TBC1D5: variants seen among roughly 807,000 people sequenced by gnomAD.
The protein encoded by TBC1D5 is TBC1 domain family member 5, also known as TBC1 domain family, member 5.
Under a neutral mutation model 100.3 loss-of-function variants are expected in TBC1D5, and 75 were observed. That is an observed-to-expected ratio of 0.75 (90% CI 0.62 to 0.91). The LOEUF (loss-of-function observed/expected upper bound fraction) is 0.91, where lower values mean the gene tolerates loss of function less well. Among genes scored for constraint, TBC1D5 ranks in the 40% least tolerant of loss-of-function variants. TBC1D5 has a pLI of 0.00. For missense variants in TBC1D5, 910 were observed against 942.4 expected, an observed-to-expected ratio of 0.97 and a Z score of 0.45; for synonymous variants, 323 against 325.6, an observed-to-expected ratio of 0.99 and a Z score of 0.09.
intron 2 of TBC1D5, among the ~76,000 whole-genome samples, chr3:17,509,644 C>A (rs2095880031): frequency 6.6e-6 from 1 of 152,004 alleles, no homozygotes; most frequent in South Asian, 2.1e-4. Context: ...GATATCTAAA[C>A]ATGCTTTAAG....
intron 1 of TBC1D5, among the ~76,000 whole-genome samples, chr3:17,710,897 C>G (rs537420044): frequency 3.3e-5 from 5 of 152,166 alleles, no homozygotes; most frequent in African/African-American, 9.6e-5. Flanking sequence ...GGAGTTTCAC[C>G]ATGTTGAGTT....
chr3:17,538,308 A>T (rs1212251952), intron 2 of TBC1D5, among the ~76,000 whole-genome samples: 1 of 152,180 alleles, frequency 6.6e-6, no homozygotes, highest in Non-Finnish European at 1.5e-5. Context: ...CTTCTCAGGA[A>T]GATCTCAAAC....
At chr3:17,262,569 C>T (rs900847900) in intron 15 of TBC1D5, among the ~76,000 whole-genome samples, 5 of 150,480 alleles carry the variant, frequency 3.3e-5, no homozygotes, top group African/African-American at 1.2e-4. Flanking sequence ...GCAAGCTCCA[C>T]CTCCCAGGTT....
At chr3:17,702,848 T>C (rs553438053) in intron 1 of TBC1D5, among the ~76,000 whole-genome samples, 1 of 152,078 alleles carries the variant, frequency 6.6e-6, no homozygotes, top group African/African-American at 2.4e-5. Context: ...AAAGGCAGAG[T>C]GTGGCAAAAA....
At chr3:17,730,069 C>T (rs766223978) in intron 1 of TBC1D5, among the ~76,000 whole-genome samples, 29 of 152,030 alleles carry the variant, frequency 1.9e-4, no homozygotes, top group Admixed American at 1.2e-3. Flanking sequence ...CAAGAATGCA[C>T]CACTGCACTC....
intron 1 of TBC1D5, among the ~76,000 whole-genome samples, chr3:17,722,902 T>A (rs1577800149): frequency 6.6e-6 from 1 of 152,160 alleles, no homozygotes. Flanking sequence ...GAAATGTATT[T>A]GGGACTGGGG....
At chr3:17,192,162 C>T (rs773048945) in intron 18 of TBC1D5, among the ~76,000 whole-genome samples, 5 of 151,312 alleles carry the variant, frequency 3.3e-5, no homozygotes, top group Non-Finnish European at 5.9e-5. Flanking sequence ...GGATTTTCTA[C>T]AATGAAATTG....
At chr3:17,249,277 G>A (rs370645200) in intron 16 of TBC1D5, among the ~76,000 whole-genome samples, 13 of 152,252 alleles carry the variant, frequency 8.5e-5, no homozygotes, top group African/African-American at 2.9e-4. Flanking sequence ...TCTAGCTTGC[G>A]ACCCATTTCA....
intron 3 of TBC1D5, among the ~76,000 whole-genome samples, chr3:17,496,105 C>T (rs905534071): frequency 3.9e-5 from 6 of 152,150 alleles, no homozygotes; most frequent in Non-Finnish European, 5.9e-5. Context: ...TCACTCAGTC[C>T]GTTAAGTTTC....
intron 13 of TBC1D5, among the ~76,000 whole-genome samples, chr3:17,350,279 G>T (rs1443714326): frequency 6.6e-6 from 1 of 151,938 alleles, no homozygotes; most frequent in Admixed American, 6.6e-5. Context: ...AAGGAAAACA[G>T]AACTTAAAAT....
chr3:17,486,714 G>A (rs1014882422), intron 3 of TBC1D5, among the ~76,000 whole-genome samples: 3 of 152,144 alleles, frequency 2.0e-5, no homozygotes, highest in African/African-American at 7.2e-5. Flanking sequence ...GCACACTGTG[G>A]CATTTTAAGT....
At chr3:17,544,211 T>C (rs1372925544) in intron 2 of TBC1D5, among the ~76,000 whole-genome samples, 1 of 152,118 alleles carries the variant, frequency 6.6e-6, no homozygotes, top group Non-Finnish European at 1.5e-5. Context: ...AATGCTGAAG[T>C]GCTGAACCGG....
At chr3:17,525,383 G>A (rs189551993) in intron 2 of TBC1D5, among the ~76,000 whole-genome samples, 39 of 152,030 alleles carry the variant, frequency 2.6e-4, no homozygotes, top group Admixed American at 2.0e-3. Context: ...TACCTGCCTC[G>A]GCCTCCCAAA....
At chr3:17,174,233 TCA>T (rs757471264) in intron 19 of TBC1D5, among the ~76,000 whole-genome samples, 3 of 152,196 alleles carry the variant, frequency 2.0e-5, no homozygotes, top group Non-Finnish European at 4.4e-5. Context: ...ATGATGAGGC[TCA>T]GAGACTGAAT....
chr3:17,723,945 A>G (rs1156949120), intron 1 of TBC1D5, among the ~76,000 whole-genome samples: 1 of 152,172 alleles, frequency 6.6e-6, no homozygotes, highest in African/African-American at 2.4e-5. Flanking sequence ...ATCAGAAAAT[A>G]TATCTATCTA....
At chr3:17,214,448 T>A (rs2073382050) in intron 17 of TBC1D5, 78 bp from the exon 19 acceptor site, 2 of 1,445,056 alleles carry the variant, frequency 1.4e-6, no homozygotes, top group Admixed American at 4.2e-5. Context: ...TTTTAATAAA[T>A]GATGATCAAT....
chr3:17,228,873 G>A (rs2075158147), intron 17 of TBC1D5, among the ~76,000 whole-genome samples: 1 of 152,044 alleles, frequency 6.6e-6, no homozygotes, highest in Admixed American at 6.6e-5. Flanking sequence ...GACTGAATGA[G>A]CTTCATAGGC....
At chr3:17,237,455 C>T (rs952811247) in intron 17 of TBC1D5, among the ~76,000 whole-genome samples, 2 of 152,136 alleles carry the variant, frequency 1.3e-5, no homozygotes, top group Non-Finnish European at 2.9e-5. Context: ...GAATACAAAA[C>T]ATGAGGGAGG....
chr3:17,539,816 T>C (rs895644178), intron 2 of TBC1D5, among the ~76,000 whole-genome samples: 3 of 152,208 alleles, frequency 2.0e-5, no homozygotes, highest in Admixed American at 6.5e-5. Context: ...GTATAAATTG[T>C]CTCTTTAAGA....
Sources: allele counts gnomAD v4.1 joint callset (sites outside exome capture counted in the v4.1 genomes callset), GRCh38; gene constraint gnomAD v4.1.1; transcripts MANE v1.5; gene names NCBI Gene and HGNC (gene_info 2026-07-23, HGNC 2026-07-21).